SAMD12: variants seen among roughly 807,000 people sequenced by gnomAD.
SAMD12 encodes the protein sterile alpha motif domain-containing protein 12.
A neutral mutation model predicts 15.0 loss-of-function variants in SAMD12; 9 were observed. The ratio of observed to expected loss-of-function variants is 0.60; its 90% CI spans 0.36 to 1.05. The LOEUF (loss-of-function observed/expected upper bound fraction) is 1.05. Ranked by LOEUF, SAMD12 falls within the 50% of genes least tolerant of loss-of-function variation. The pLI is 0.01. For synonymous variants in SAMD12, 86 were observed against 90.1 expected, an observed-to-expected ratio of 0.96 and a Z score of 0.25; for missense variants, 230 against 234.2, an observed-to-expected ratio of 0.98 and a Z score of 0.12.
Position 118,426,510 on chromosome 8 carries a change from G to T in SAMD12, c.322+13322C>A, listed in dbSNP as rs146991045. ...CATCCTGCACATAGAAAGCCTCCAA[G>T]AAACCATGGGCATTATTAAGGATGT... On this transcript the variant is annotated intron_variant, in intron 3 of 3. Transcript: ENST00000314727. 6.0e-4 allele frequency among the ~76,000 whole-genome samples: 91 copies of T among 152,314 alleles called. 1 individual carries two copies. In the East Asian group the frequency reaches 0.017, roughly 28 times the overall value.
At chr8:118,354,517 C>T (rs1260970350) in intron 4 of SAMD12, among the ~76,000 whole-genome samples, 1 of 152,108 alleles carries the variant, frequency 6.6e-6, no homozygotes, top group Non-Finnish European at 1.5e-5. Context: ...TCTTGGAGTC[C>T]ACACCATCCC....
intron 2 of SAMD12, among the ~76,000 whole-genome samples, chr8:118,555,579 T>A (rs1826506058): frequency 6.6e-6 from 1 of 152,172 alleles, no homozygotes; most frequent in Non-Finnish European, 1.5e-5. Flanking sequence ...AAGAAGCCAA[T>A]GAATTCTATA....
At chr8:118,391,757 T>C (rs1188793538) in intron 3 of SAMD12, among the ~76,000 whole-genome samples, 2 of 152,192 alleles carry the variant, frequency 1.3e-5, no homozygotes, top group African/African-American at 4.8e-5. Context: ...AATTAACAAG[T>C]ATTATCACAG....
At chr8:118,147,653 C>T in the SAMD12 span, among the ~76,000 whole-genome samples, 1 of 152,074 alleles carries the variant, frequency 6.6e-6, no homozygotes, top group Admixed American at 6.5e-5. Flanking sequence ...AGCCACCGTG[C>T]CCGGCCCCTA....
the SAMD12 span, among the ~76,000 whole-genome samples, chr8:118,164,134 A>G: frequency 6.6e-6 from 1 of 152,150 alleles, no homozygotes; most frequent in Non-Finnish European, 1.5e-5. Flanking sequence ...AGCAGGAGGA[A>G]GGGGAAGCAG....
intron 2 of SAMD12, among the ~76,000 whole-genome samples, chr8:118,546,625 C>A (rs1371324873): frequency 6.6e-6 from 1 of 152,108 alleles, no homozygotes; most frequent in Non-Finnish European, 1.5e-5. Flanking sequence ...TAATAGCAGG[C>A]AAACCACAAT....
chr8:118,600,127 G>A (rs1302017776), intron 1 of SAMD12, among the ~76,000 whole-genome samples: 1 of 152,154 alleles, frequency 6.6e-6, no homozygotes, highest in Non-Finnish European at 1.5e-5. Context: ...AAGTGTGCTG[G>A]TTTTCTAACC....
At chr8:118,571,436 A>G (rs916736888) in intron 2 of SAMD12, among the ~76,000 whole-genome samples, 6 of 152,260 alleles carry the variant, frequency 3.9e-5, no homozygotes, top group Admixed American at 3.9e-4. Flanking sequence ...AGAAATTTGC[A>G]TAACTAACGA....
the SAMD12 span, among the ~76,000 whole-genome samples, chr8:118,169,179 C>T: frequency 6.6e-6 from 1 of 152,096 alleles, no homozygotes; most frequent in South Asian, 2.1e-4. Context: ...CCAACCTGTA[C>T]ATGTACCCCC....
At chr8:118,482,072 A>G (rs1165696692) in intron 2 of SAMD12, among the ~76,000 whole-genome samples, 2 of 152,248 alleles carry the variant, frequency 1.3e-5, no homozygotes, top group African/African-American at 4.8e-5. Flanking sequence ...TACTCCTCAA[A>G]GTATGATGCC....
chr8:118,370,845 A>C (rs1302924673), intron 4 of SAMD12, among the ~76,000 whole-genome samples: 4 of 152,150 alleles, frequency 2.6e-5, no homozygotes, highest in African/African-American at 9.7e-5. Flanking sequence ...CGGGCTTAAT[A>C]CCTAAGTGAT....
the SAMD12 span, among the ~76,000 whole-genome samples, chr8:118,162,005 CA>C: frequency 6.6e-6 from 1 of 151,390 alleles, no homozygotes; most frequent in Non-Finnish European, 1.5e-5. Context: ...ACTAAAAATA[CA>C]AAAATGAGCT....
intron 4 of SAMD12, among the ~76,000 whole-genome samples, chr8:118,344,616 C>T (rs562013343): frequency 8.5e-5 from 13 of 152,216 alleles, no homozygotes; most frequent in Admixed American, 7.8e-4. Flanking sequence ...GAAGAGTTCC[C>T]AGCTCTCATG....
At chr8:118,420,262 CTA>C (rs921273981) in intron 3 of SAMD12, among the ~76,000 whole-genome samples, 12 of 152,184 alleles carry the variant, frequency 7.9e-5, no homozygotes, top group African/African-American at 2.9e-4. Flanking sequence ...GTTTGTGGTG[CTA>C]TGTTTTGCAT....
At position 118,478,539 on chromosome 8, in the gene SAMD12, T is replaced by C. The variant is rs116520083; in HGVS notation, c.193-38578A>G. Among the ~76,000 whole-genome samples the C allele has an allele frequency of 7.0e-3, 1,061 of 152,336 alleles. 12 individuals are homozygous for C. Among genetic ancestry groups the C allele is most frequent in the African/African-American group, 0.024 (989 of 41,572 alleles). On this transcript the variant is annotated intron_variant, in intron 2 of 3. Coordinates refer to ENST00000314727, the MANE Select transcript of SAMD12 (RefSeq NM_207506.3). ...TCTAAAGCACATTAGATATAGTAAATAGTCATCATGACAACTCATAATTGT... is the reference window on the plus strand; with the variant it reads ...TCTAAAGCACATTAGATATAGTAAACAGTCATCATGACAACTCATAATTGT...
At chr8:118,297,788 G>A (rs553226103) in intron 4 of SAMD12, among the ~76,000 whole-genome samples, 1 of 152,086 alleles carries the variant, frequency 6.6e-6, no homozygotes, top group African/African-American at 2.4e-5. Flanking sequence ...TATGCCTTGG[G>A]AAAACAATCA....
At chr8:118,533,203 T>C (rs1825737930) in intron 2 of SAMD12, among the ~76,000 whole-genome samples, 2 of 152,224 alleles carry the variant, frequency 1.3e-5, no homozygotes, top group African/African-American at 4.8e-5. Flanking sequence ...ATGTACCCAG[T>C]AGTCATTCAG....
At chr8:118,312,894 G>A (rs1485895) in intron 4 of SAMD12, among the ~76,000 whole-genome samples, 33,434 of 152,012 alleles carry the variant, frequency 0.22, 3,911 homozygotes, top group African/African-American at 0.28. Context: ...AGCAAGGGAA[G>A]CTTAGTTACC....
intron 2 of SAMD12, among the ~76,000 whole-genome samples, chr8:118,474,969 T>C (rs1473970271): frequency 1.3e-5 from 2 of 152,206 alleles, no homozygotes; most frequent in Non-Finnish European, 2.9e-5. Context: ...CTGGGCATGG[T>C]GTCTCACACC....
Sources: allele counts gnomAD v4.1 joint callset (sites outside exome capture counted in the v4.1 genomes callset), GRCh38; gene constraint gnomAD v4.1.1; transcripts MANE v1.5; gene names NCBI Gene and HGNC (gene_info 2026-07-23, HGNC 2026-07-21).